Variants in EPHB6 observed in about 807,000 individuals in gnomAD.
EPHB6 encodes the protein EPH receptor B6.
A neutral mutation model predicts 107.0 loss-of-function variants in EPHB6; 51 were observed. That is an observed-to-expected ratio of 0.48 (90% CI 0.38 to 0.60). The LOEUF is 0.60. Among genes scored for constraint, EPHB6 ranks in the 20% least tolerant of loss-of-function variants. The pLI is 0.00. For missense variants in EPHB6, 1,141 were observed against 1,355.5 expected (o/e 0.84, Z 2.48); for synonymous variants, 553 against 549.0 (o/e 1.01, Z -0.10).
chr7:142,867,862 C>G lies in EPHB6; in HGVS notation c.1866-135C>G, dbSNP rs376527759. 1.4e-6 allele frequency: 2 copies of G among 1,449,598 alleles called. No individual in the cohort carries two copies. Among genetic ancestry groups the G allele is most frequent in the Non-Finnish European group, 1.9e-6 (2 of 1,057,174 alleles). The allele number at this position is 1,449,598 out of a possible 1,614,324, so 89.8% of individuals were successfully genotyped here. ...CAGCCAGCCCCTGCCCTGGGCCCCA[C>G]GTGGAGATGGGCAGGAGGGCCAGGC... On this transcript the variant is annotated intron_variant, in intron 12 of 19. Coordinates refer to ENST00000652003, the MANE Select transcript of EPHB6 (RefSeq NM_004445.6). The surrounding 1 kb of genome is among the most constrained non-coding windows in gnomAD (Gnocchi z 5.3).
intron 7 of EPHB6, 41 bp from the exon 8 acceptor site, chr7:142,865,434 C>A: frequency 6.2e-7 from 1 of 1,611,114 alleles, no homozygotes; most frequent in Non-Finnish European, 8.5e-7. Context: ...GGTGGGTGGA[C>A]AGAGCGAGTG....
At chr7:142,859,252 G>A (rs1802742656) in intron 1 of EPHB6, among the ~76,000 whole-genome samples, 1 of 152,316 alleles carries the variant, frequency 6.6e-6, no homozygotes, top group Admixed American at 6.5e-5. Flanking sequence ...CAGGAGAAAT[G>A]TACTGGCCTG....
Position 142,867,594 on chromosome 7 carries a change from G to T in EPHB6, c.1751-14G>T. On this transcript the variant is annotated splice_polypyrimidine_tract_variant and intron_variant, in intron 11 of 19. Coordinates refer to ENST00000652003, the MANE Select transcript of EPHB6 (RefSeq NM_004445.6). The surrounding 1 kb of genome is among the most constrained non-coding windows in gnomAD (Gnocchi z 5.3). ...GACCTGGCCCACCTGTGACCCTGTC[G>T]GCTGGTCCCCCAGGGGAGCTGTCTT... The T allele has an allele frequency of 6.2e-7, 1 of 1,606,486 alleles. No homozygotes were observed. Among genetic ancestry groups the T allele is most frequent in the Non-Finnish European group, 8.5e-7 (1 of 1,176,770 alleles).
Position 142,867,652 on chromosome 7 carries a change from G to A in EPHB6, c.1795G>A (p.Gly599Ser), listed in dbSNP as rs750258746. The A allele has an allele frequency of 5.6e-6, 9 of 1,613,434 alleles. No individual in the cohort carries two copies. In the Admixed American group the frequency reaches 8.3e-5, roughly 15 times the overall value. ...TCCAGAAAGACTCTCCTTGGTGATCGGCTCCATCCTGGGGGCTTTGGCCTT... is the reference window on the plus strand; with the variant it reads ...TCCAGAAAGACTCTCCTTGGTGATCAGCTCCATCCTGGGGGCTTTGGCCTT... ...QLPERLSLVI[G>S]SILGALAFLL... The change falls in exon 12 of 20, where the codon GGC (glycine) becomes AGC (serine). Residue 599 changes from glycine to serine, a missense_variant. This residue lies in a region of EPHB6 where 616 missense variants were observed against 759.3 expected (regional missense o/e 0.81). Transcript: ENST00000652003. The surrounding 1 kb of genome is among the most constrained non-coding windows in gnomAD (Gnocchi z 5.3).
rs754652212 is a variant in EPHB6 at position 142,868,960 on chromosome 7, C to T, written c.2287-14C>T. 2 of 1,605,706 alleles carry T rather than the reference C, an allele frequency of 1.2e-6. No individual in the cohort carries two copies. The highest frequency in any genetic ancestry group is 4.5e-5 in the East Asian group (2 of 44,866). ...TCCGATCACTGACCTCTGCCCCCTG[C>T]CCCTTCCCCTCAGCAGCGGGAGGGC... is the stretch of plus-strand genomic sequence containing the variant. On this transcript the variant is annotated splice_polypyrimidine_tract_variant and intron_variant, in intron 15 of 19. Transcript: ENST00000652003. The surrounding 1 kb of genome is among the most constrained non-coding windows in gnomAD (Gnocchi z 4.2).
At position 142,863,691 on chromosome 7, in the gene EPHB6, G is replaced by C. The variant is rs533653752; in HGVS notation, c.161G>C (p.Gly54Ala). The C allele has an allele frequency of 6.8e-5, 109 of 1,613,752 alleles. No individual in the cohort carries two copies. Among genetic ancestry groups the C allele is most frequent in the South Asian group, 2.9e-4 (26 of 91,076 alleles). The change falls in exon 6 of 20, where the codon GGG becomes GCG. Residue 54 changes from glycine (G) to alanine (A), a missense_variant. This residue lies in a region of EPHB6 where 221 missense variants were observed against 300.5 expected (regional missense o/e 0.74). Coordinates refer to ENST00000652003, the MANE Select transcript of EPHB6 (RefSeq NM_004445.6). ...SEIGWLTYPP[G>A]GWDEVSVLDD... ...ATTGGCTGGCTCACCTACCCACCAG[G>C]GGGGGTGAGTGCCACTCTAATTCTG... is the stretch of plus-strand genomic sequence containing the variant.
intron 1 of EPHB6, among the ~76,000 whole-genome samples, chr7:142,856,160 C>T (rs984782383): frequency 6.6e-5 from 10 of 152,156 alleles, no homozygotes; most frequent in Non-Finnish European, 8.8e-5. Context: ...CCAGGCCCTC[C>T]GCCCGCCAGG....
chr7:142,862,818 G>GAAAA lies in EPHB6; in HGVS notation c.-107_-104dup. ...GAAAGAACTGGAATAACCCCTTGCA[G>GAAAA]AAAAAAAAAAAAAGGGTAAGATTGA... On this transcript the variant is annotated 5_prime_UTR_variant, in exon 4 of 20. It introduces an in-frame stop codon into an upstream open reading frame of the 5' UTR. Coordinates refer to ENST00000652003, the MANE Select transcript of EPHB6 (RefSeq NM_004445.6). 1 of 154,608 alleles carries GAAAA rather than the reference G, an allele frequency of 6.5e-6. No homozygotes were observed. Among genetic ancestry groups the GAAAA allele is most frequent in the Non-Finnish European group, 1.3e-5 (1 of 74,174 alleles). 9.6% of individuals were successfully genotyped at this position (154,608 alleles called of 1,614,324 possible). A position where few individuals can be genotyped will look rare whatever the true frequency, so the allele number is the denominator to read the frequency against.
chr7:142,858,420 A>ATT (rs1554519357), intron 1 of EPHB6, among the ~76,000 whole-genome samples: 1 of 110,052 alleles, frequency 9.1e-6, no homozygotes, highest in African/African-American at 3.5e-5. Flanking sequence ...CTTTTAAGTC[A>ATT]TTCTTTTTTT....
At chr7:142,860,391 T>A (rs1223613229) in intron 1 of EPHB6, among the ~76,000 whole-genome samples, 1 of 152,256 alleles carries the variant, frequency 6.6e-6, no homozygotes. Context: ...TTTGCTTCAG[T>A]GTGTCAAGCA....
chr7:142,870,207 C>A lies in EPHB6; in HGVS notation c.2611-7C>A, dbSNP rs1794832251. ...TCCCATCGTCATAGTCTTCCTCTGA[C>A]CCCCAGGTACTAAATGCAATAGAGC... On this transcript the variant is annotated splice_polypyrimidine_tract_variant and splice_region_variant and intron_variant, in intron 17 of 19. Transcript: ENST00000652003. 6.2e-7 allele frequency: 1 copy of A among 1,613,978 alleles called. No individual in the cohort carries two copies. Among genetic ancestry groups the A allele is most frequent in the East Asian group, 2.2e-5 (1 of 44,876 alleles).
Position 142,865,552 on chromosome 7 carries a change from A to G in EPHB6, c.1027A>G (p.Asn343Asp). 1 of 1,613,560 alleles carries G rather than the reference A, an allele frequency of 6.2e-7. No individual in the cohort carries two copies. ...SPCPARSHAP[N>D]PAAPVCPCLE... ...ATGCCCTGCCCGCAGTCACGCTCCC[A>G]ACCCAGCAGCCCCCGTTTGCCCCTG... The change falls in exon 8 of 20, where the codon AAC becomes GAC. Residue 343 changes from asparagine to aspartate, a missense_variant. Coordinates refer to ENST00000652003, the MANE Select transcript of EPHB6 (RefSeq NM_004445.6).
Position 142,869,873 on chromosome 7 carries a change from T to C in EPHB6, c.2517T>C (p.His839=). ...AAPEVIAHGK[H]TTSSDVWSFG... is the part of the protein sequence containing the mutation. ...CAGAGGTCATTGCACATGGAAAGCA[T>C]ACAACATCCAGTGATGTCTGGAGCT... The change falls in exon 17 of 20, where the codon CAT becomes CAC. Residue 839 remains histidine (H), a synonymous_variant. Coordinates refer to ENST00000652003, the MANE Select transcript of EPHB6 (RefSeq NM_004445.6). The surrounding 1 kb of genome is among the most constrained non-coding windows in gnomAD (Gnocchi z 4.5). 1 of 1,614,206 alleles carries C rather than the reference T, an allele frequency of 6.2e-7. No individual in the cohort carries two copies. Among genetic ancestry groups the C allele is most frequent in the Non-Finnish European group, 8.5e-7 (1 of 1,180,040 alleles).
intron 17 of EPHB6, 51 bp from the exon 18 acceptor site, chr7:142,870,163 C>T: frequency 1.2e-6 from 2 of 1,610,448 alleles, no homozygotes; most frequent in Non-Finnish European, 1.7e-6. Flanking sequence ...ACAAAGTACT[C>T]CCCTCTACTA....
intron 8 of EPHB6, 114 bp from the exon 9 acceptor site, chr7:142,865,846 C>T (rs1465859237): frequency 2.4e-6 from 3 of 1,234,378 alleles, no homozygotes; most frequent in African/African-American, 1.5e-5. Flanking sequence ...CCACCCCACG[C>T]TCTTCTGTCT....
Position 142,868,139 on chromosome 7 carries a change from A to G in EPHB6, c.1918+90A>G, listed in dbSNP as rs773408420. ...GGCTGGATCCCCCCAAGATTGGGGG[A>G]GCTCCTTGGCACAACCTTCTGGAGG... On this transcript the variant is annotated intron_variant, in intron 13 of 19. Coordinates refer to ENST00000652003, the MANE Select transcript of EPHB6 (RefSeq NM_004445.6). This position sits in a 1 kb window ranked among gnomAD's most constrained non-coding sequence, Gnocchi z 4.2. 6.2e-7 allele frequency: 1 copy of G among 1,613,522 alleles called. No homozygotes were observed. The highest frequency in any genetic ancestry group is 8.5e-7 in the Non-Finnish European group (1 of 1,179,696).
rs1476901168 is a variant in EPHB6 at position 142,870,965 on chromosome 7, G to A, written c.*61G>A. 45 of 1,515,268 alleles carry A rather than the reference G, an allele frequency of 3.0e-5. 1 individual carries two copies. The highest frequency in any genetic ancestry group is 4.5e-6 in the Non-Finnish European group (5 of 1,115,776). The allele number at this position is 1,515,268 out of a possible 1,614,324, so 93.9% of individuals were successfully genotyped here. A position where few individuals can be genotyped will look rare whatever the true frequency, so the allele number is the denominator to read the frequency against. On this transcript the variant is annotated 3_prime_UTR_variant, in exon 20 of 20. Coordinates refer to ENST00000652003, the MANE Select transcript of EPHB6 (RefSeq NM_004445.6). ...GTCCGAGAAGGGACATGTGGGACGT[G>A]AGCCGGGCTCCAACAGCCTCTGTGA...
Position 142,869,009 on chromosome 7 carries a change from G to A in EPHB6, c.2322G>A (p.Val774=). 1 of 1,611,778 alleles carries A rather than the reference G, an allele frequency of 6.2e-7. No individual in the cohort carries two copies. The highest frequency in any genetic ancestry group is 8.5e-7 in the Non-Finnish European group (1 of 1,179,952). The change falls in exon 16 of 20, where the codon GTG becomes GTA. Residue 774 remains valine, a synonymous_variant. Transcript: ENST00000652003. This position sits in a 1 kb window ranked among gnomAD's most constrained non-coding sequence, Gnocchi z 4.5. ...GCCAGTTCAGCAGCCTGCAGCTGGT[G>A]GCCATGCAGCGGGGAGTGGCTGCTG... The part of the protein sequence containing the change: ...REGQFSSLQL[V]AMQRGVAAAM...
In EPHB6 at chr7:142,870,383, A is replaced by G. The variant is rs1586179377; in HGVS notation, c.2780A>G (p.Gln927Arg). 2 of 1,614,066 alleles carry G rather than the reference A, an allele frequency of 1.2e-6. No homozygotes were observed. Among genetic ancestry groups the G allele is most frequent in the East Asian group, 4.5e-5 (2 of 44,888 alleles). Residue 927 changes from glutamine (Q) to arginine (R), a missense_variant, in exon 18 of 20, where the codon CAG (glutamine) becomes CGG (arginine). Around this residue, in one of 3 missense-constraint regions of EPHB6, gnomAD observed 616 missense variants for 759.3 expected, o/e 0.81. Transcript: ENST00000652003. The part of the protein sequence containing the change: ...DKMIRKPDTL[Q>R]AGGDPGERPS... ...ATGATCCGCAAGCCAGATACCCTGCAGGCTGGCGGGGACCCAGGGGAAAGG... is the reference window on the plus strand; with the variant it reads ...ATGATCCGCAAGCCAGATACCCTGCGGGCTGGCGGGGACCCAGGGGAAAGG...
Sources: gnomAD v4.1 joint callset for allele counts (sites outside exome capture counted in the v4.1 genomes callset) on GRCh38, gnomAD v4.1.1 for gene constraint, gnomAD v4.1.1 regional missense constraint, Gnocchi (gnomAD v3.1) non-coding constraint, MANE v1.5 for transcripts, NCBI Gene and HGNC (gene_info 2026-07-23, HGNC 2026-07-21) for gene names.